Variants in ANKRD35 observed in about 807,000 individuals in gnomAD.
ANKRD35 encodes the protein ankyrin repeat domain 35.
ANKRD35 carries 102 observed loss-of-function variants against 109.9 expected under a neutral mutation model. The ratio of observed to expected loss-of-function variants is 0.93; its 90% confidence interval spans 0.79 to 1.09. The LOEUF is 1.09. Ranked by LOEUF, ANKRD35 falls within the 50% of genes least tolerant of loss-of-function variation. ANKRD35 has a pLI of 0.00. For synonymous variants in ANKRD35, 515 were observed against 512.4 expected, an observed-to-expected ratio of 1.01 and a Z score of -0.07; for missense variants, 1,240 against 1,230.1, an observed-to-expected ratio of 1.01 and a Z score of -0.12.
chr1:145,872,146 C>T lies in ANKRD35; in HGVS notation c.2623G>A (p.Ala875Thr), dbSNP rs200819240. ...TCCCCGCTCCGGCGGCGCTCCTCGG[C>T]CACCGCCTCCCGCAGCCGACCCACT... The part of the protein sequence containing the change: ...REVGRLREAV[A>T]EERRRSGDLA... The change falls in exon 10 of 14, where the codon GCC (alanine) becomes ACC (threonine). Residue 875 changes from alanine (A) to threonine (T), a missense_variant. Physicochemically the swap from Ala to Thr is moderately conservative, Grantham distance 58. Transcript: ENST00000355594. 2.0e-4 allele frequency: 318 copies of T among 1,609,052 alleles called. No homozygotes were observed. Among genetic ancestry groups the T allele is most frequent in the Non-Finnish European group, 2.5e-4 (300 of 1,178,074 alleles).
chr1:145,874,663 G>A (rs587617541), intron 8 of ANKRD35, among the ~76,000 whole-genome samples, 159 bp downstream of exon 8: 1 of 152,294 alleles, frequency 6.6e-6, no homozygotes, highest in African/African-American at 2.4e-5. Context: ...CTTTTGGGAT[G>A]GGGATTTGGG....
Position 145,885,834 on chromosome 1 carries a change from C to T in ANKRD35, c.-76G>A. The stretch of plus-strand genomic sequence containing the variant: ...AGGTTCCCGAACCCACCGGACTTGG[C>T]TGCGGCTGTGCAAGAGACAGCTGTC... On this transcript the variant is annotated 5_prime_UTR_variant, in exon 1 of 14. Coordinates refer to ENST00000355594, the MANE Select transcript of ANKRD35 (RefSeq NM_144698.5). The T allele has an allele frequency of 8.5e-7, 1 of 1,178,010 alleles. No homozygotes were observed. The highest frequency in any genetic ancestry group is 1.2e-5 in the South Asian group (1 of 80,608). 73.0% of individuals were successfully genotyped at this position (1,178,010 alleles called of 1,614,324 possible). A position where few individuals can be genotyped will look rare whatever the true frequency, so the allele number is the denominator to read the frequency against.
rs1553740693 is a variant in ANKRD35, at chr1:145,879,261, G to C, written c.167C>G (p.Ser56Cys). 2 of 1,605,302 alleles carry C rather than the reference G, an allele frequency of 1.2e-6. No individual in the cohort carries two copies. The highest frequency in any genetic ancestry group is 2.3e-5 in the East Asian group (1 of 43,950). Reference sequence around the variant, plus strand: ...AGGGGCAGGAGGACTGACTTACGGGGACTGGCCATTCGAGTCAAGCTTGGT... The same window carrying C: ...AGGGGCAGGAGGACTGACTTACGGGCACTGGCCATTCGAGTCAAGCTTGGT... ...RPTKLDSNGQSPFHLAASKGL... is the reference protein window; with the variant it reads ...RPTKLDSNGQCPFHLAASKGL... Residue 56 changes from serine to cysteine, a missense_variant, in exon 2 of 14, where the codon TCC becomes TGC. Transcript: ENST00000355594.
intron 11 of ANKRD35, 21 bp downstream of exon 11, chr1:145,868,290 T>A (rs587727226): frequency 1.9e-6 from 3 of 1,613,188 alleles, no homozygotes; most frequent in East Asian, 2.2e-5. Flanking sequence ...TCCAGCACCA[T>A]CCCTGACAGC....
At chr1:145,870,057 T>C (rs1443865892) in intron 10 of ANKRD35, among the ~76,000 whole-genome samples, 2 of 151,920 alleles carry the variant, frequency 1.3e-5, no homozygotes, top group East Asian at 3.9e-4. Context: ...AGCTACCTTT[T>C]ACTGAGTACT....
intron 1 of ANKRD35, among the ~76,000 whole-genome samples, chr1:145,880,034 GCAA>G (rs1273404122): frequency 6.6e-6 from 1 of 152,048 alleles, no homozygotes; most frequent in East Asian, 1.9e-4. Flanking sequence ...CCTTTCCATG[GCAA>G]CAACAACCAA....
chr1:145,873,747 G>T lies in ANKRD35; in HGVS notation c.1022C>A (p.Ala341Glu), dbSNP rs140072705. The T allele has an allele frequency of 8.1e-6, 13 of 1,613,144 alleles. No individual in the cohort carries two copies. The highest frequency in any genetic ancestry group is 2.2e-5 in the South Asian group (2 of 90,930). ...LDLENQIREQ[A>E]QELGVLLSWE... The stretch of plus-strand genomic sequence containing the variant: ...GGATAGGAGGACCCCTAGCTCCTGC[G>T]CCTGCTCTCGAATCTGGTTCTCAAG... The change falls in exon 10 of 14, where the codon GCG becomes GAG. Residue 341 changes from alanine (A) to glutamate (E), a missense_variant. Physicochemically the swap from Ala to Glu is moderately radical, Grantham distance 107. Coordinates refer to ENST00000355594, the MANE Select transcript of ANKRD35 (RefSeq NM_144698.5).
intron 10 of ANKRD35, 58 bp downstream of exon 10, chr1:145,871,924 A>T: frequency 6.3e-7 from 1 of 1,587,424 alleles, no homozygotes; most frequent in Non-Finnish European, 8.5e-7. Flanking sequence ...AGGTTAGTAA[A>T]CTCCCAAATA....
chr1:145,868,297 C>T lies in ANKRD35; in HGVS notation c.2877+14G>A, dbSNP rs1553738046. 1.5e-5 allele frequency: 24 copies of T among 1,613,922 alleles called. No homozygotes were observed. The highest frequency in any genetic ancestry group is 2.0e-5 in the Non-Finnish European group (24 of 1,179,804). On this transcript the variant is annotated intron_variant, in intron 11 of 13. Coordinates refer to ENST00000355594, the MANE Select transcript of ANKRD35 (RefSeq NM_144698.5). ...CCTTCTTCTCCAGCACCATCCCTGA[C>T]AGCCAAAACATACCTGCAGCTGCAG...
chr1:145,872,459 G>A lies in ANKRD35; in HGVS notation c.2310C>T (p.Ser770=), dbSNP rs1553738933. The A allele has an allele frequency of 6.2e-7, 1 of 1,604,614 alleles. No individual in the cohort carries two copies. The highest frequency in any genetic ancestry group is 8.5e-7 in the Non-Finnish European group (1 of 1,176,248). Residue 770 remains serine, a synonymous_variant, in exon 10 of 14, where the codon TCC becomes TCT. Coordinates refer to ENST00000355594, the MANE Select transcript of ANKRD35 (RefSeq NM_144698.5). ...SLSPCREPGT[S]LKAPASPQVA... ...CTTGGGGGGATGCTGGGGCCTTTAA[G>A]GAGGTGCCTGGCTCCCTACACGGGG... is the stretch of plus-strand genomic sequence containing the variant.
At chr1:145,874,793 G>T in intron 8 of ANKRD35, 29 bp downstream of exon 8, 1 of 1,534,790 alleles carries the variant, frequency 6.5e-7, no homozygotes, top group Non-Finnish European at 8.8e-7. Context: ...GATTCTTAGA[G>T]AACGTGGAAG....
chr1:145,879,444 GAA>G (rs1156553783), intron 1 of ANKRD35, 56 bp from the exon 2 acceptor site: 1 of 1,381,314 alleles, frequency 7.2e-7, no homozygotes, highest in East Asian at 2.7e-5. Flanking sequence ...TGTGGAGAAA[GAA>G]AAGAGGCAAA....
In ANKRD35 at chr1:145,871,158, T is replaced by TC. The variant is rs71584604; in HGVS notation, c.2787+823_2787+824insG. ...CTTTCTTTCTTTTCTTTTTTCTTTT[T>TC]TTTTTTTTTTTTTTTTTTTTTTTGA... is the stretch of plus-strand genomic sequence containing the variant. On this transcript the variant is annotated intron_variant, in intron 10 of 13. Coordinates refer to ENST00000355594, the MANE Select transcript of ANKRD35 (RefSeq NM_144698.5). Among the ~76,000 whole-genome samples, 198 of 72,504 alleles carry TC rather than the reference T, an allele frequency of 2.7e-3. 1 individual carries two copies. The highest frequency in any genetic ancestry group is 0.011 in the African/African-American group (183 of 17,356). The allele number at this position is 72,504 out of a possible 152,430, so 47.6% of individuals were successfully genotyped here.
rs587750905 is a variant in ANKRD35, at chr1:145,878,918, T to C, written c.170+340A>G. ...ATGTGACTCCCATGCTACCACTTCATTTCAAATTTCCCATGCATACACACC... is the reference window on the plus strand; with the variant it reads ...ATGTGACTCCCATGCTACCACTTCACTTCAAATTTCCCATGCATACACACC... On this transcript the variant is annotated intron_variant, in intron 2 of 13. Transcript: ENST00000355594. Among the ~76,000 whole-genome samples, 149 of 152,302 alleles carry C rather than the reference T, an allele frequency of 9.8e-4. 1 individual carries two copies. Among genetic ancestry groups the C allele is most frequent in the Non-Finnish European group, 1.7e-3 (116 of 68,016 alleles).
At chr1:145,868,542 C>G in intron 10 of ANKRD35, 142 bp from the exon 11 acceptor site, 1 of 682,034 alleles carries the variant, frequency 1.5e-6, no homozygotes, top group South Asian at 1.9e-5. Flanking sequence ...AACAGCTTTT[C>G]TTCTGTGTGG....
intron 1 of ANKRD35, among the ~76,000 whole-genome samples, chr1:145,882,244 GC>G (rs1654319585): frequency 6.8e-6 from 1 of 146,620 alleles, no homozygotes; most frequent in South Asian, 2.2e-4. Context: ...GTGAGCCACC[GC>G]GCCTGGCCCT....
intron 4 of ANKRD35, among the ~76,000 whole-genome samples, chr1:145,877,119 G>A (rs1290381479): frequency 6.6e-6 from 1 of 152,180 alleles, no homozygotes; most frequent in East Asian, 1.9e-4. Context: ...TAGGGAAAAT[G>A]ACACCCAATG....
At chr1:145,869,541 T>C (rs1372967907) in intron 10 of ANKRD35, among the ~76,000 whole-genome samples, 3 of 151,758 alleles carry the variant, frequency 2.0e-5, no homozygotes, top group African/African-American at 7.3e-5. Context: ...AGTGATGTGA[T>C]CTCAGCTCAC....
chr1:145,879,798 T>C (rs190813310), intron 1 of ANKRD35, among the ~76,000 whole-genome samples: 1 of 152,338 alleles, frequency 6.6e-6, no homozygotes, highest in East Asian at 1.9e-4. Context: ...TGAGGACTCA[T>C]GTTGCCTCTC....
Sources: gnomAD v4.1 joint callset for allele counts (sites outside exome capture counted in the v4.1 genomes callset) on GRCh38, gnomAD v4.1.1 for gene constraint, MANE v1.5 for transcripts, NCBI Gene and HGNC (gene_info 2026-07-23, HGNC 2026-07-21) for gene names.